FAM222B: variants seen among roughly 807,000 people sequenced by gnomAD.
FAM222B encodes the protein protein FAM222B.
FAM222B carries 12 observed loss-of-function variants against 38.0 expected under a neutral mutation model. The ratio of observed to expected loss-of-function variants is 0.32; its 90% CI spans 0.20 to 0.51. The LOEUF is 0.51. Among genes scored for constraint, FAM222B ranks in the 20% least tolerant of loss-of-function variants. The pLI is 0.97. For missense variants in FAM222B, 716 were observed against 754.2 expected (o/e 0.95, Z 0.59); for synonymous variants, 329 against 317.2 (o/e 1.04, Z -0.40).
chr17:28,841,893 G>A (rs927900807), intron 1 of FAM222B, among the ~76,000 whole-genome samples: 2 of 152,130 alleles, frequency 1.3e-5, no homozygotes, highest in Non-Finnish European at 2.9e-5. Context: ...GGTCTGCTGT[G>A]CCCATAAAGA....
intron 1 of FAM222B, among the ~76,000 whole-genome samples, chr17:28,793,549 C>T (rs543461112): frequency 3.9e-5 from 6 of 152,246 alleles, no homozygotes; most frequent in African/African-American, 1.4e-4. Flanking sequence ...AAGCTTTGTA[C>T]TACAAGGATG....
upstream of FAM222B, among the ~76,000 whole-genome samples, chr17:28,845,976 G>A (rs2039142719): frequency 6.6e-6 from 1 of 150,654 alleles, no homozygotes; most frequent in Non-Finnish European, 1.5e-5. Flanking sequence ...GGCCAAGGCG[G>A]GTGGATCACG....
At chr17:28,779,512 G>T (rs1037164682) in intron 1 of FAM222B, among the ~76,000 whole-genome samples, 1 of 152,108 alleles carries the variant, frequency 6.6e-6, no homozygotes, top group African/African-American at 2.4e-5. Context: ...AGCACTTTGG[G>T]AGGCTGAGGC....
rs375686409 is a variant in FAM222B at position 28,771,979 on chromosome 17, C to T, written c.-40-5272G>A. On this transcript the variant is annotated intron_variant, in intron 1 of 2. Transcript: ENST00000581407. ...GTCTGAGGCAGGAGAATGGCATGAA[C>T]CCGGGAGGCGGAGCTTGCAGTGAGC... Among the ~76,000 whole-genome samples, 14 of 152,246 alleles carry T rather than the reference C, an allele frequency of 9.2e-5. 1 individual carries two copies. In the East Asian group the frequency reaches 1.5e-3, roughly 17 times the overall value.
At position 28,778,792 on chromosome 17, in the gene FAM222B, G is replaced by A. The variant is rs978769720; in HGVS notation, c.-40-12085C>T. On this transcript the variant is annotated intron_variant, in intron 1 of 2. Transcript: ENST00000581407. ...GTTGCCCAGCCTGGTCTTGAACTCC[G>A]AACTCAAGTGATCCACCCACCTCAG... 5.6e-5 allele frequency among the ~76,000 whole-genome samples: 7 copies of A among 124,672 alleles called. No homozygotes were observed. The South Asian group carries it at 8.1e-4, about 14-fold the overall frequency. 81.8% of individuals were successfully genotyped at this position (124,672 alleles called of 152,430 possible). A position where few individuals can be genotyped will look rare whatever the true frequency, so the allele number is the denominator to read the frequency against.
intron 1 of FAM222B, among the ~76,000 whole-genome samples, chr17:28,795,684 C>T (rs189831792): frequency 3.9e-5 from 6 of 152,148 alleles, no homozygotes; most frequent in African/African-American, 1.4e-4. Context: ...CACCTCATCC[C>T]CCCAAAATGC....
intron 1 of FAM222B, among the ~76,000 whole-genome samples, chr17:28,848,598 A>C (rs866237463): frequency 6.6e-6 from 1 of 151,796 alleles, no homozygotes; most frequent in Admixed American, 6.6e-5. Flanking sequence ...GTCTCTACTA[A>C]AAATAAAAAA....
chr17:28,854,316 A>G (rs1469932877), intron 1 of FAM222B, among the ~76,000 whole-genome samples: 2 of 152,204 alleles, frequency 1.3e-5, no homozygotes, highest in Non-Finnish European at 2.9e-5. Flanking sequence ...AGCAAGGTAA[A>G]TGAGTTTCTC....
chr17:28,758,117 T>C lies in FAM222B; in HGVS notation c.*153A>G, dbSNP rs146535493. 2,938 of 685,976 alleles carry C rather than the reference T, an allele frequency of 4.3e-3. 18 individuals are homozygous for C. Among genetic ancestry groups the C allele is most frequent in the Non-Finnish European group, 5.4e-3 (2,313 of 428,388 alleles). 42.5% of individuals were successfully genotyped at this position (685,976 alleles called of 1,614,324 possible). A position where few individuals can be genotyped will look rare whatever the true frequency, so the allele number is the denominator to read the frequency against. ...GAGGGGAGGACGAGAGGACCCCTTC[T>C]GTCCCCACTTAGATCCCACCAAATT... On this transcript the variant is annotated 3_prime_UTR_variant, in exon 3 of 3. Transcript: ENST00000581407.
At chr17:28,822,860 TATATACACAC>T (rs1397699086) in intron 1 of FAM222B, among the ~76,000 whole-genome samples, 44 of 94,874 alleles carry the variant, frequency 4.6e-4, no homozygotes, top group African/African-American at 1.8e-3. Flanking sequence ...TATATATATA[TATATACACAC>T]ATATATATAT....
At chr17:28,762,232 A>T (rs2035110297) in intron 2 of FAM222B, 1 of 152,204 alleles carries the variant, frequency 6.6e-6, no homozygotes, top group African/African-American at 2.4e-5. Flanking sequence ...TTTGTTAAGG[A>T]AGAACCCCAA....
At chr17:28,820,828 G>A (rs941897689) in intron 1 of FAM222B, among the ~76,000 whole-genome samples, 10 of 151,526 alleles carry the variant, frequency 6.6e-5, no homozygotes, top group African/African-American at 2.2e-4. Context: ...AGTAGAGATG[G>A]GTTTTCACCA....
intron 1 of FAM222B, among the ~76,000 whole-genome samples, chr17:28,801,167 A>G (rs1046958010): frequency 4.0e-5 from 6 of 150,066 alleles, no homozygotes; most frequent in Non-Finnish European, 7.4e-5. Context: ...AAAGAAAAAA[A>G]AAAAGACCAG....
rs755676003 is a variant in FAM222B at position 28,758,696 on chromosome 17, A to G, written c.1263T>C (p.His421=). ...TCGGCTTTTCCAGGGGTGGCTTCAG[A>G]TGGAAGGACTGCGCCAGGCAGAGTT... ...PQELCLAQSF[H]LKPPLEKPTP... is the part of the protein sequence containing the mutation. Residue 421 remains histidine (H), a synonymous_variant, in exon 3 of 3, where the codon CAT becomes CAC. Coordinates refer to ENST00000581407, the MANE Select transcript of FAM222B (RefSeq NM_001077498.3). 1.2e-6 allele frequency: 2 copies of G among 1,601,640 alleles called. No individual in the cohort carries two copies. Among genetic ancestry groups the G allele is most frequent in the South Asian group, 1.1e-5 (1 of 90,106 alleles).
chr17:28,843,056 T>C (rs1824175995), upstream of FAM222B, among the ~76,000 whole-genome samples: 1 of 152,054 alleles, frequency 6.6e-6, no homozygotes. Context: ...ACTTACTGGC[T>C]CTTCCAGAAT....
intron 1 of FAM222B, among the ~76,000 whole-genome samples, chr17:28,803,991 C>G (rs1342041091): frequency 6.6e-6 from 1 of 151,338 alleles, no homozygotes; most frequent in Non-Finnish European, 1.5e-5. Flanking sequence ...AAAAAAAAAA[C>G]CAAAAAGCAA....
chr17:28,812,903 A>C (rs2037852754), intron 1 of FAM222B, among the ~76,000 whole-genome samples: 1 of 150,130 alleles, frequency 6.7e-6, no homozygotes, highest in East Asian at 2.0e-4. Context: ...CTCTGCCTCT[A>C]GTCTAATCAA....
At chr17:28,787,290 A>G (rs1020451651) in intron 1 of FAM222B, among the ~76,000 whole-genome samples, 1 of 152,148 alleles carries the variant, frequency 6.6e-6, no homozygotes, top group Non-Finnish European at 1.5e-5. Context: ...GCAGATTATA[A>G]GGTAATACAG....
At position 28,828,204 on chromosome 17, in the gene FAM222B, G is replaced by A. The variant is rs567012922; in HGVS notation, c.-41+14478C>T. Among the ~76,000 whole-genome samples, 238 of 139,070 alleles carry A rather than the reference G, an allele frequency of 1.7e-3. 1 individual carries two copies. Among genetic ancestry groups the A allele is most frequent in the African/African-American group, 6.0e-3 (223 of 37,452 alleles). 91.2% of individuals were successfully genotyped at this position (139,070 alleles called of 152,430 possible). On this transcript the variant is annotated intron_variant, in intron 1 of 2. Coordinates refer to ENST00000581407, the MANE Select transcript of FAM222B (RefSeq NM_001077498.3). The stretch of plus-strand genomic sequence containing the variant: ...CGGCTCACAGCAACCTCCGCCTCCC[G>A]GGTTCAAGCAATTCTCCTGCCGCAG...
Sources: gnomAD v4.1 joint callset for allele counts (sites outside exome capture counted in the v4.1 genomes callset) on GRCh38, gnomAD v4.1.1 for gene constraint, MANE v1.5 for transcripts, NCBI Gene and HGNC (gene_info 2026-07-23, HGNC 2026-07-21) for gene names.